Variants in TMC4 observed in about 807,000 individuals in gnomAD.
TMC4 encodes the protein transmembrane channel like 4.
A neutral mutation model predicts 82.0 loss-of-function variants in TMC4; 70 were observed. That is an observed-to-expected ratio of 0.85 (90% CI 0.70 to 1.04). The LOEUF (loss-of-function observed/expected upper bound fraction) is 1.04. Among genes scored for constraint, TMC4 ranks in the 50% least tolerant of loss-of-function variants. The probability of loss-of-function intolerance (pLI) is 0.00; values close to 1 mark genes in which losing one functional copy is unlikely to be tolerated. For missense variants in TMC4, 879 were observed against 899.0 expected (o/e 0.98, Z 0.28); for synonymous variants, 446 against 406.0 (o/e 1.10, Z -1.18).
chr19:54,165,726 G>A (rs1357876736), intron 5 of TMC4, among the ~76,000 whole-genome samples, 160 bp from the exon 6 acceptor site: 2 of 152,120 alleles, frequency 1.3e-5, no homozygotes, highest in Non-Finnish European at 2.9e-5. Flanking sequence ...TCAAAGAGGC[G>A]GAGACACAGT....
chr19:54,171,846 T>A, intron 2 of TMC4, 24 bp downstream of exon 2: 1 of 1,571,120 alleles, frequency 6.4e-7, no homozygotes, highest in South Asian at 1.2e-5. Flanking sequence ...GCTGTGCGGG[T>A]CCCAGCTGGA....
chr19:54,164,741 C>G (rs967554203), intron 6 of TMC4, 140 bp from the exon 7 acceptor site: 1 of 1,106,498 alleles, frequency 9.0e-7, no homozygotes, highest in Non-Finnish European at 1.3e-6. Context: ...CCTCTGCAGT[C>G]CTGGTTCCAC....
At chr19:54,163,205 A>G in intron 8 of TMC4, 46 bp from the exon 9 acceptor site, 2 of 1,610,120 alleles carry the variant, frequency 1.2e-6, no homozygotes, top group East Asian at 4.5e-5. Flanking sequence ...GGTACCCACC[A>G]TGTGGCAGTT....
Position 54,168,769 on chromosome 19 carries a change from T to G in TMC4, c.443-89A>C, listed in dbSNP as rs541277352. ...CCTGGACTGGGGTCCAGCCGCGCCT[T>G]CCTTTCTTTCTTTCTTTTCTTTTCT... On this transcript the variant is annotated intron_variant, in intron 3 of 14. Coordinates refer to ENST00000619895, the MANE Select transcript of TMC4 (RefSeq NM_144686.4). 1.5e-5 allele frequency: 8 copies of G among 523,708 alleles called. No individual in the cohort carries two copies. In the South Asian group the frequency reaches 3.5e-4, roughly 23 times the overall value. The allele number at this position is 523,708 out of a possible 1,614,324, so 32.4% of individuals were successfully genotyped here.
At chr19:54,166,520 C>T (rs1043657066) in intron 5 of TMC4, among the ~76,000 whole-genome samples, 1 of 152,182 alleles carries the variant, frequency 6.6e-6, no homozygotes, top group Non-Finnish European at 1.5e-5. Flanking sequence ...ACAGAGGGCC[C>T]TCACATGGTC....
chr19:54,160,715 C>T, intron 13 of TMC4, 163 bp downstream of exon 13: 2 of 1,410,304 alleles, frequency 1.4e-6, no homozygotes, highest in Non-Finnish European at 9.5e-7. Context: ...TACGTCCCGC[C>T]CACCTCCTCC....
intron 1 of TMC4, chr19:54,172,812 C>T (rs1000309888): frequency 5.9e-6 from 3 of 510,428 alleles, no homozygotes; most frequent in Admixed American, 3.8e-5. Flanking sequence ...AAACTCCCAG[C>T]CCTTAGCCCT....
chr19:54,161,965 G>A (rs375944512), intron 11 of TMC4, 137 bp downstream of exon 11: 8 of 703,002 alleles, frequency 1.1e-5, no homozygotes, highest in African/African-American at 1.9e-5. Flanking sequence ...CCTCTCAGAT[G>A]CAGTAGTCTG....
intron 10 of TMC4, 99 bp downstream of exon 10, chr19:54,162,574 G>C (rs936598056): frequency 1.0e-6 from 1 of 979,732 alleles, no homozygotes; most frequent in Non-Finnish European, 1.6e-6. Context: ...AGCAGGCAGA[G>C]GCGGGAATGG....
At chr19:54,170,870 G>T (rs1043409183) in intron 2 of TMC4, among the ~76,000 whole-genome samples, 2 of 151,780 alleles carry the variant, frequency 1.3e-5, no homozygotes, top group African/African-American at 4.8e-5. Flanking sequence ...ATAGATAGCT[G>T]TTCTTTTAAC....
In TMC4 at chr19:54,168,549, G is replaced by A; in HGVS notation, c.574C>T (p.Pro192Ser). The change falls in exon 4 of 15, where the codon CCT (proline) becomes TCT (serine). Residue 192 changes from proline (P) to serine (S), a missense_variant. Transcript: ENST00000619895. ...PTWLGGAPPG[P>S]PGPDISSPCG... is the part of the protein sequence containing the mutation. ...GGCGAGGAGATGTCGGGGCCGGGAG[G>A]GCCTGGGGGAGCGCCTCCCAACCAG... 6.4e-7 allele frequency: 1 copy of A among 1,566,136 alleles called. No homozygotes were observed. Among genetic ancestry groups the A allele is most frequent in the Non-Finnish European group, 8.6e-7 (1 of 1,156,304 alleles).
At chr19:54,163,309 T>A in intron 8 of TMC4, 150 bp from the exon 9 acceptor site, 76 of 6,386 alleles carry the variant, frequency 0.012, no homozygotes, top group South Asian at 0.035. Context: ...TCTTTCTTTC[T>A]TTTTTTTTTT....
At chr19:54,170,062 T>C (rs1003245155) in intron 2 of TMC4, among the ~76,000 whole-genome samples, 5 of 151,680 alleles carry the variant, frequency 3.3e-5, no homozygotes, top group African/African-American at 1.2e-4. Flanking sequence ...GATGGCGCCA[T>C]TGCATTCCAG....
intron 5 of TMC4, 73 bp downstream of exon 5, chr19:54,168,098 G>A (rs1260053492): frequency 2.0e-6 from 3 of 1,486,984 alleles, no homozygotes; most frequent in South Asian, 1.3e-5. Context: ...TGGGGAGGGG[G>A]TTTCTGCCAC....
At position 54,163,852 on chromosome 19, in the gene TMC4, C is replaced by G; in HGVS notation, c.1149G>C (p.Lys383Asn). 2 of 1,614,088 alleles carry G rather than the reference C, an allele frequency of 1.2e-6. No homozygotes were observed. Among genetic ancestry groups the G allele is most frequent in the Non-Finnish European group, 1.7e-6 (2 of 1,180,020 alleles). ...TGGACGGAAGGTAATTCACCCCAAG[C>G]TTCAGCAGTGGCAACTCCTGGACAA... ...MPLVQELPLL[K>N]LGVNYLPSIF... is the part of the protein sequence containing the mutation. The change falls in exon 8 of 15, where the codon AAG (lysine) becomes AAC (asparagine). Residue 383 changes from lysine (K) to asparagine (N), a missense_variant. Coordinates refer to ENST00000619895, the MANE Select transcript of TMC4 (RefSeq NM_144686.4).
intron 5 of TMC4, among the ~76,000 whole-genome samples, chr19:54,167,246 G>T (rs1476493200): frequency 6.6e-6 from 1 of 152,020 alleles, no homozygotes; most frequent in Non-Finnish European, 1.5e-5. Context: ...CCGGGTGACA[G>T]AGTGAGACCC....
In TMC4 at chr19:54,160,110, AG is replaced by A; in HGVS notation, c.*195del. ...AGGACGCAGATTTCAAAGCGCGCTCAGCAACCTCGGCTGTATTTATTGATAC... is the reference window on the plus strand; with the variant it reads ...AGGACGCAGATTTCAAAGCGCGCTCACAACCTCGGCTGTATTTATTGATAC... On this transcript the variant is annotated 3_prime_UTR_variant, in exon 15 of 15. Transcript: ENST00000619895. 1 of 568,044 alleles carries A rather than the reference AG, an allele frequency of 1.8e-6. No homozygotes were observed. Among genetic ancestry groups the A allele is most frequent in the Non-Finnish European group, 2.8e-6 (1 of 353,350 alleles). 35.2% of individuals were successfully genotyped at this position (568,044 alleles called of 1,614,324 possible).
At chr19:54,169,222 C>T (rs959441572) in intron 3 of TMC4, among the ~76,000 whole-genome samples, 3 of 150,632 alleles carry the variant, frequency 2.0e-5, no homozygotes, top group South Asian at 2.1e-4. Flanking sequence ...TTGGTAGAGA[C>T]GGGGGTTTCA....
chr19:54,161,155 C>G lies in TMC4; in HGVS notation c.1792G>C (p.Val598Leu). Residue 598 changes from valine to leucine, a missense_variant, in exon 12 of 15, where the codon GTT (valine) becomes CTT (leucine). By Grantham distance (32) the Val-to-Leu change is conservative (BLOSUM62 1). Coordinates refer to ENST00000619895, the MANE Select transcript of TMC4 (RefSeq NM_144686.4). ...AGGAAGATGCTGTAAAGCAGGGGAA[C>G]GCTGGAGATGGCCAGACCCAGGAGA... ...VLLLGLAISS[V>L]PLLYSIFLIP... The G allele has an allele frequency of 6.3e-7, 1 of 1,587,212 alleles. No individual in the cohort carries two copies. The highest frequency in any genetic ancestry group is 2.2e-5 in the East Asian group (1 of 44,474).
Sources: allele counts gnomAD v4.1 joint callset (sites outside exome capture counted in the v4.1 genomes callset), GRCh38; gene constraint gnomAD v4.1.1; transcripts MANE v1.5; gene names NCBI Gene and HGNC (gene_info 2026-07-23, HGNC 2026-07-21).